Variants in GPR155 observed in about 807,000 individuals in gnomAD.
The protein encoded by GPR155 is lysosomal cholesterol signaling protein.
GPR155 carries 65 observed loss-of-function variants against 93.1 expected under a neutral mutation model. The observed-to-expected ratio is 0.70, with a 90% CI of 0.57 to 0.86. The LOEUF (loss-of-function observed/expected upper bound fraction) is 0.86, where lower values mean the gene tolerates loss of function less well. Ranked by LOEUF, GPR155 falls within the 40% of genes least tolerant of loss-of-function variation. The pLI, the probability that GPR155 is intolerant of heterozygous loss-of-function variation, is 0.00. For synonymous variants in GPR155, 319 were observed against 360.1 expected (o/e 0.89, Z 1.29); for missense variants, 838 against 1,034.8 (o/e 0.81, Z 2.61).
At chr2:174,446,541 AT>A (rs1687136415) in intron 12 of GPR155, 69 bp downstream of exon 12, 2 of 1,454,324 alleles carry the variant, frequency 1.4e-6, no homozygotes, top group Admixed American at 2.1e-5. Context: ...TTTTTCCCGG[AT>A]GCCTGAATAA....
intron 2 of GPR155, among the ~76,000 whole-genome samples, chr2:174,477,057 A>G (rs1688187784): frequency 1.3e-5 from 2 of 152,244 alleles, no homozygotes; most frequent in Admixed American, 1.3e-4. Context: ...ATCAATGAAC[A>G]TCAAAAGTTT....
At chr2:174,457,837 A>G (rs915786942) in intron 10 of GPR155, among the ~76,000 whole-genome samples, 8 of 150,648 alleles carry the variant, frequency 5.3e-5, no homozygotes, top group Non-Finnish European at 7.4e-5. Flanking sequence ...TGCAGCTTCG[A>G]CCTCCTGGGC....
At chr2:174,442,555 T>C (rs1686997490) in intron 13 of GPR155, among the ~76,000 whole-genome samples, 1 of 152,240 alleles carries the variant, frequency 6.6e-6, no homozygotes, top group Admixed American at 6.5e-5. Context: ...ATTATATAAT[T>C]AACAAGTGTT....
intron 15 of GPR155, 52 bp from the exon 16 acceptor site, chr2:174,436,468 C>T: frequency 6.5e-7 from 1 of 1,534,908 alleles, no homozygotes; most frequent in Non-Finnish European, 9.0e-7. Flanking sequence ...GGTATCAGCA[C>T]TGCATGATAG....
At chr2:174,437,299 G>A (rs1046533881) in intron 15 of GPR155, among the ~76,000 whole-genome samples, 22 of 152,094 alleles carry the variant, frequency 1.4e-4, no homozygotes, top group Admixed American at 1.3e-4. Flanking sequence ...GAAGATCAAG[G>A]TGAAAGGAGA....
intron 5 of GPR155, among the ~76,000 whole-genome samples, chr2:174,467,158 A>AAAAAC (rs554182725): frequency 0.017 from 2,532 of 151,844 alleles, 59 homozygotes; most frequent in African/African-American, 0.051. Context: ...CTCCATCTCA[A>AAAAAC]AAAACAAAAC....
At chr2:174,476,169 TG>T (rs2105733704) in intron 2 of GPR155, among the ~76,000 whole-genome samples, 1 of 152,372 alleles carries the variant, frequency 6.6e-6, no homozygotes, top group South Asian at 2.1e-4. Context: ...GATTACTTCA[TG>T]TGTTTACCAA....
chr2:174,446,681 A>G lies in GPR155; in HGVS notation c.1943T>C (p.Leu648Pro). 6.2e-7 allele frequency: 1 copy of G among 1,613,888 alleles called. No homozygotes were observed. Among genetic ancestry groups the G allele is most frequent in the Non-Finnish European group, 8.5e-7 (1 of 1,179,726 alleles). ...GGTCAGTTGCTGGTCTCCACTCTGT[A>G]GATACTGTTCTTCTTCCTGGGCTAA... is the stretch of plus-strand genomic sequence containing the variant. Reference protein sequence around the residue: ...CILAQEEEQYLQSGDQQLTRH... With the variant: ...CILAQEEEQYPQSGDQQLTRH... Residue 648 changes from leucine (L) to proline (P), a missense_variant, in exon 12 of 16, where the codon CTA becomes CCA. Coordinates refer to ENST00000392552, the MANE Select transcript of GPR155 (RefSeq NM_152529.7).
At chr2:174,439,773 A>C (rs1336635795) in intron 15 of GPR155, 125 bp downstream of exon 15, 6 of 726,160 alleles carry the variant, frequency 8.3e-6, no homozygotes, top group Non-Finnish European at 1.4e-5. Flanking sequence ...TAACTTTTAC[A>C]TGCATATGTA....
chr2:174,460,731 T>C (rs879863822), intron 9 of GPR155, among the ~76,000 whole-genome samples: 6 of 152,194 alleles, frequency 3.9e-5, no homozygotes, highest in Admixed American at 2.6e-4. Flanking sequence ...CCACGTATAA[T>C]TCACGCATAC....
At chr2:174,482,606 T>C (rs1022682005) in intron 1 of GPR155, among the ~76,000 whole-genome samples, 4 of 152,224 alleles carry the variant, frequency 2.6e-5, no homozygotes, top group Non-Finnish European at 4.4e-5. Flanking sequence ...TGGAGTGCAG[T>C]GGTGCAATCT....
At chr2:174,482,037 G>T in intron 1 of GPR155, 50 bp from the exon 2 acceptor site, 2 of 930,086 alleles carry the variant, frequency 2.2e-6, no homozygotes, top group Non-Finnish European at 1.7e-6. Flanking sequence ...AAGAATTCTA[G>T]TTGAAATAAT....
chr2:174,472,402 T>C (rs1248169159), intron 3 of GPR155, among the ~76,000 whole-genome samples: 1 of 152,098 alleles, frequency 6.6e-6, no homozygotes, highest in East Asian at 1.9e-4. Context: ...CAAGACTCTG[T>C]TTCAAACAAA....
At chr2:174,479,130 C>A (rs1301934727) in intron 2 of GPR155, among the ~76,000 whole-genome samples, 1 of 152,152 alleles carries the variant, frequency 6.6e-6, no homozygotes, top group African/African-American at 2.4e-5. Flanking sequence ...GAAATTTGGG[C>A]TGGCACACGG....
chr2:174,463,559 A>G (rs1439748102), intron 7 of GPR155, among the ~76,000 whole-genome samples: 1 of 152,160 alleles, frequency 6.6e-6, no homozygotes, highest in Admixed American at 6.5e-5. Context: ...ATGATATTAC[A>G]ACGCACAGTC....
intron 2 of GPR155, among the ~76,000 whole-genome samples, chr2:174,480,621 A>G (rs1339934986): frequency 6.6e-6 from 1 of 152,206 alleles, no homozygotes; most frequent in Middle Eastern, 3.2e-3. Flanking sequence ...ATATACACAT[A>G]GAAACATAAA....
chr2:174,485,210 C>T (rs1487666429), intron 1 of GPR155, among the ~76,000 whole-genome samples: 1 of 152,130 alleles, frequency 6.6e-6, no homozygotes, highest in Non-Finnish European at 1.5e-5. Flanking sequence ...GAAGGCAGAG[C>T]TCTTCATTTT....
In GPR155 at chr2:174,473,483, A is replaced by G. The variant is rs982386049; in HGVS notation, c.461-119T>C. The G allele has an allele frequency of 8.7e-5, 57 of 657,794 alleles. No homozygotes were observed. In the African/African-American group the frequency reaches 9.1e-4, roughly 11 times the overall value. 40.7% of individuals were successfully genotyped at this position (657,794 alleles called of 1,614,324 possible). On this transcript the variant is annotated intron_variant, in intron 2 of 15. Coordinates refer to ENST00000392552, the MANE Select transcript of GPR155 (RefSeq NM_152529.7). ...AAATCTAAAATTTTCAAAATGACCCAAATAGCCTATTTTGGAAAAGTACAT... is the reference window on the plus strand; with the variant it reads ...AAATCTAAAATTTTCAAAATGACCCGAATAGCCTATTTTGGAAAAGTACAT...
rs745797210 is a variant in GPR155 at position 174,436,330 on chromosome 2, C to T, written c.2399G>A (p.Gly800Asp). Residue 800 changes from glycine to aspartate, a missense_variant, in exon 16 of 16, where the codon GGT (glycine) becomes GAT (aspartate). Transcript: ENST00000392552. ...CCTGTCTCCGTATATCACAGCTTCA[C>T]CACGGTCGGAGGCAAGGCCGACTTC... ...LIEVGLASDR[G>D]EAVIYGDRLV... 6.2e-7 allele frequency: 1 copy of T among 1,614,172 alleles called. No individual in the cohort carries two copies. The highest frequency in any genetic ancestry group is 2.2e-5 in the East Asian group (1 of 44,888).
Sources: gnomAD v4.1 joint callset for allele counts (sites outside exome capture counted in the v4.1 genomes callset) on GRCh38, gnomAD v4.1.1 for gene constraint, MANE v1.5 for transcripts, NCBI Gene and HGNC (gene_info 2026-07-23, HGNC 2026-07-21) for gene names.